Variants in ADARB2 observed in about 807,000 individuals in gnomAD.
The protein encoded by ADARB2 is adenosine deaminase RNA specific B2 (inactive).
ADARB2 carries 25 observed loss-of-function variants against 62.2 expected under a neutral mutation model. The observed-to-expected ratio is 0.40, with a 90% CI of 0.29 to 0.56. ADARB2 has a LOEUF of 0.56. Among genes scored for constraint, ADARB2 ranks in the 20% least tolerant of loss-of-function variants. The pLI, the probability that ADARB2 is intolerant of heterozygous loss-of-function variation, is 0.43. For missense variants in ADARB2, 1,071 were observed against 1,077.4 expected, an observed-to-expected ratio of 0.99 and a Z score of 0.08; for synonymous variants, 572 against 500.8, an observed-to-expected ratio of 1.14 and a Z score of -1.90.
At chr10:1,584,777 T>C (rs577904898) in intron 1 of ADARB2, among the ~76,000 whole-genome samples, 8 of 152,208 alleles carry the variant, frequency 5.3e-5, no homozygotes, top group Middle Eastern at 6.8e-3. Context: ...TTGAAAGAAA[T>C]GAGCTACAAA....
chr10:1,672,735 G>GCCTCCCTCCACGCATGGAAAGT (rs1554780133), intron 1 of ADARB2, among the ~76,000 whole-genome samples: 1 of 146,870 alleles, frequency 6.8e-6, no homozygotes, highest in Non-Finnish European at 1.5e-5. Context: ...GCACCGCAAG[G>GCCTCCCTCCACGCATGGAAAGT]CTCCTGCCTC....
intron 1 of ADARB2, among the ~76,000 whole-genome samples, chr10:1,475,937 C>T (rs1230404486): frequency 6.6e-6 from 1 of 152,170 alleles, no homozygotes; most frequent in Non-Finnish European, 1.5e-5. Flanking sequence ...ATTTTTGTTT[C>T]ACCGAGTCTA....
chr10:1,712,611 C>CTT (rs763837957), intron 1 of ADARB2, among the ~76,000 whole-genome samples: 167 of 138,730 alleles, frequency 1.2e-3, no homozygotes, highest in African/African-American at 4.0e-3. Context: ...ACCACCATTA[C>CTT]TTTTTTTTTT....
chr10:1,196,463 T>G (rs1408653107), intron 8 of ADARB2, among the ~76,000 whole-genome samples: 1 of 152,188 alleles, frequency 6.6e-6, no homozygotes, highest in East Asian at 1.9e-4. Flanking sequence ...TTCCTGGAGT[T>G]AATGATACAA....
chr10:1,706,982 T>A (rs1442630477), intron 1 of ADARB2, among the ~76,000 whole-genome samples: 1 of 149,086 alleles, frequency 6.7e-6, no homozygotes, highest in African/African-American at 2.5e-5. Flanking sequence ...CCTCCTGACA[T>A]GGCTTCATGC....
rs147786625 is a variant in ADARB2, at chr10:1,346,525, G to T, written c.1077+16503C>A. ...GTTACTGAGTCTTGCTCTTCAGAAT[G>T]ATCTGGGAGCATTTGTGGGGAGGAA... On this transcript the variant is annotated intron_variant, in intron 3 of 9. Coordinates refer to ENST00000381312, the MANE Select transcript of ADARB2 (RefSeq NM_018702.4). 1.8e-4 allele frequency among the ~76,000 whole-genome samples: 28 copies of T among 152,382 alleles called. No individual in the cohort carries two copies. The East Asian group carries it at 5.0e-3, about 27-fold the overall frequency.
At chr10:1,421,330 A>G (rs1354036799) in intron 1 of ADARB2, among the ~76,000 whole-genome samples, 1 of 151,758 alleles carries the variant, frequency 6.6e-6, no homozygotes, top group Non-Finnish European at 1.5e-5. Flanking sequence ...CTCAGCTGTG[A>G]GGAGATTAAA....
At chr10:1,503,505 C>T (rs1339774178) in intron 1 of ADARB2, among the ~76,000 whole-genome samples, 1 of 152,140 alleles carries the variant, frequency 6.6e-6, no homozygotes, top group Admixed American at 6.5e-5. Flanking sequence ...CCCCTTTTAG[C>T]ACCTGTGAGC....
intron 1 of ADARB2, among the ~76,000 whole-genome samples, chr10:1,464,879 G>A (rs1344783419): frequency 2.0e-5 from 3 of 152,224 alleles, no homozygotes; most frequent in South Asian, 2.1e-4. Context: ...CGGAGGCCCC[G>A]GTGACACCAG....
chr10:1,218,112 G>A (rs1287723990), intron 6 of ADARB2, among the ~76,000 whole-genome samples: 2 of 152,168 alleles, frequency 1.3e-5, no homozygotes, highest in South Asian at 2.1e-4. Flanking sequence ...GTGCAGTGGC[G>A]CAATCTCAGC....
Position 1,179,626 on chromosome 10 carries a change from C to A in ADARB2, c.*3567G>T, listed in dbSNP as rs1429234950. On this transcript the variant is annotated 3_prime_UTR_variant, in exon 10 of 10. Coordinates refer to ENST00000381312, the MANE Select transcript of ADARB2 (RefSeq NM_018702.4). ...AAGAACCAGGCCGGAAACCACATTG[C>A]TGATCTTCCTGATGGGAAAGCAGTG... The A allele has an allele frequency of 6.6e-6, 1 of 152,236 alleles. No individual in the cohort carries two copies. The highest frequency in any genetic ancestry group is 1.5e-5 in the Non-Finnish European group (1 of 68,042). 9.4% of individuals were successfully genotyped at this position (152,236 alleles called of 1,614,324 possible).
chr10:1,651,077 C>T (rs568648433), intron 1 of ADARB2, among the ~76,000 whole-genome samples: 17 of 152,338 alleles, frequency 1.1e-4, no homozygotes, highest in South Asian at 2.1e-4. Context: ...GTGAGACAGA[C>T]GGCCCGGCTT....
At chr10:1,375,665 G>A (rs1268615950) in intron 2 of ADARB2, among the ~76,000 whole-genome samples, 1 of 152,218 alleles carries the variant, frequency 6.6e-6, no homozygotes, top group Non-Finnish European at 1.5e-5. Flanking sequence ...GAGACCGGAG[G>A]AGGCAGGGCA....
At chr10:1,274,492 C>T (rs1469765772) in intron 3 of ADARB2, among the ~76,000 whole-genome samples, 2 of 151,928 alleles carry the variant, frequency 1.3e-5, no homozygotes, top group African/African-American at 4.8e-5. Context: ...TTTCAAATGT[C>T]TAAGAAGTGA....
chr10:1,515,364 A>T (rs1831995321), intron 1 of ADARB2, among the ~76,000 whole-genome samples: 1 of 152,238 alleles, frequency 6.6e-6, no homozygotes, highest in Admixed American at 6.5e-5. Context: ...AGGTGAGCAC[A>T]GCACGTCTGT....
chr10:1,676,892 C>T (rs1414352873), intron 1 of ADARB2, among the ~76,000 whole-genome samples: 1 of 152,148 alleles, frequency 6.6e-6, no homozygotes, highest in Non-Finnish European at 1.5e-5. Flanking sequence ...GTGTCAGAAA[C>T]TCAGACCTCA....
chr10:1,721,880 C>T (rs537677638), intron 1 of ADARB2, among the ~76,000 whole-genome samples: 267 of 152,206 alleles, frequency 1.8e-3, no homozygotes, highest in African/African-American at 6.1e-3. Context: ...GCCCCCTTGT[C>T]GAAGTTCAGC....
rs1564301893 is a variant in ADARB2 at position 1,477,405 on chromosome 10, G to C, written c.101-98245C>G. On this transcript the variant is annotated intron_variant, in intron 1 of 9. Transcript: ENST00000381312. The surrounding 1 kb of genome is among the most constrained non-coding windows in gnomAD (Gnocchi z 4.5). ...CCTTATCTGCCCATGGCCCCCTCCA[G>C]CATGACCCTATACAGCTTCCTTCCA... Among the ~76,000 whole-genome samples the C allele has an allele frequency of 6.6e-6, 1 of 152,118 alleles. No individual in the cohort carries two copies. Among genetic ancestry groups the C allele is most frequent in the Non-Finnish European group, 1.5e-5 (1 of 68,012 alleles).
rs1176268502 is a variant in ADARB2, at chr10:1,426,081, G to A, written c.101-46921C>T. Among the ~76,000 whole-genome samples the A allele has an allele frequency of 6.6e-6, 1 of 152,208 alleles. No homozygotes were observed. Among genetic ancestry groups the A allele is most frequent in the Admixed American group, 6.5e-5 (1 of 15,284 alleles). On this transcript the variant is annotated intron_variant, in intron 1 of 9. Coordinates refer to ENST00000381312, the MANE Select transcript of ADARB2 (RefSeq NM_018702.4). The surrounding 1 kb of genome is among the most constrained non-coding windows in gnomAD (Gnocchi z 4.1). ...TCTGAGCATGTGGCATTTGTCAGAA[G>A]GTTGTGTTTATGTTTTATGCTTGAT...
Sources: gnomAD v4.1 joint callset for allele counts (sites outside exome capture counted in the v4.1 genomes callset) on GRCh38, gnomAD v4.1.1 for gene constraint, Gnocchi (gnomAD v3.1) non-coding constraint, MANE v1.5 for transcripts, NCBI Gene and HGNC (gene_info 2026-07-23, HGNC 2026-07-21) for gene names.